Variants in SOX5 observed in about 807,000 individuals in gnomAD.
SOX5 encodes the protein SRY-box transcription factor 5, also known as transcription factor SOX-5.
A neutral mutation model predicts 92.0 loss-of-function variants in SOX5; 9 were observed. That is an observed-to-expected ratio of 0.10 (90% confidence interval 0.06 to 0.17). The LOEUF is 0.17. SOX5 is among the 10% of genes least tolerant of loss of function. The pLI is 1.00. For synonymous variants in SOX5, 344 were observed against 336.3 expected, an observed-to-expected ratio of 1.02 and a Z score of -0.25; for missense variants, 642 against 944.5, an observed-to-expected ratio of 0.68 and a Z score of 4.20.
intron 11 of SOX5, among the ~76,000 whole-genome samples, chr12:23,556,010 G>GTGA (rs1264107947): frequency 3.9e-5 from 6 of 152,134 alleles, no homozygotes; most frequent in Non-Finnish European, 2.9e-5. Context: ...GACATACAGA[G>GTGA]TGATGGATGG....
chr12:24,461,256 T>C (rs1487303735), intron 1 of SOX5, among the ~76,000 whole-genome samples: 1 of 13,964 alleles, frequency 7.2e-5, no homozygotes, highest in Non-Finnish European at 2.3e-4. Flanking sequence ...TGTTCCAAGC[T>C]GGTCATTTAA....
intron 4 of SOX5, among the ~76,000 whole-genome samples, chr12:24,190,146 C>T (rs1956383552): frequency 6.6e-6 from 1 of 152,018 alleles, no homozygotes; most frequent in Admixed American, 6.6e-5. Context: ...ACCAAAATAG[C>T]ACAGAAAACA....
At chr12:23,786,596 G>GCATTTAGGAT (rs1331993579) in intron 3 of SOX5, among the ~76,000 whole-genome samples, 109 of 109,698 alleles carry the variant, frequency 9.9e-4, no homozygotes, top group East Asian at 1.6e-3. Context: ...TTTTGTAGGA[G>GCATTTAGGAT]ATCAGTGTTC....
intron 6 of SOX5, among the ~76,000 whole-genome samples, chr12:23,722,256 C>G (rs961817637): frequency 1.3e-5 from 2 of 152,082 alleles, no homozygotes; most frequent in African/African-American, 4.8e-5. Context: ...AAGAAATATA[C>G]CCTTACCTGA....
At chr12:23,688,342 C>G (rs2088038370) in intron 6 of SOX5, among the ~76,000 whole-genome samples, 1 of 152,064 alleles carries the variant, frequency 6.6e-6, no homozygotes, top group Non-Finnish European at 1.5e-5. Flanking sequence ...GTAACATCTT[C>G]ACTTAATCAA....
chr12:23,897,894 T>A (rs1048571125), intron 1 of SOX5, among the ~76,000 whole-genome samples: 1 of 152,182 alleles, frequency 6.6e-6, no homozygotes, highest in Non-Finnish European at 1.5e-5. Flanking sequence ...GGATACCACA[T>A]TTCAAGTAAT....
intron 4 of SOX5, among the ~76,000 whole-genome samples, chr12:24,194,736 C>T (rs941264520): frequency 6.6e-6 from 1 of 151,976 alleles, no homozygotes; most frequent in African/African-American, 2.4e-5. Flanking sequence ...CATTAGACAT[C>T]TATTGAAGCT....
At chr12:23,661,634 T>C (rs1057223994) in intron 7 of SOX5, among the ~76,000 whole-genome samples, 3 of 152,228 alleles carry the variant, frequency 2.0e-5, no homozygotes, top group Non-Finnish European at 2.9e-5. Context: ...AAGGCATTTA[T>C]ATTTTATTTC....
intron 1 of SOX5, among the ~76,000 whole-genome samples, chr12:23,927,582 A>G (rs1308974831): frequency 6.6e-6 from 1 of 151,916 alleles, no homozygotes; most frequent in Non-Finnish European, 1.5e-5. Context: ...AGTTATTTCA[A>G]TTTTCCTGTT....
intron 8 of SOX5, among the ~76,000 whole-genome samples, chr12:23,632,608 T>C (rs188475868): frequency 7.2e-5 from 11 of 152,268 alleles, no homozygotes; most frequent in African/African-American, 9.6e-5. Flanking sequence ...GTCATAATTA[T>C]TGACCTTCTT....
At chr12:24,517,671 A>G (rs1031148989) in intron 1 of SOX5, among the ~76,000 whole-genome samples, 1 of 151,232 alleles carries the variant, frequency 6.6e-6, no homozygotes, top group African/African-American at 2.4e-5. Flanking sequence ...ACTGAAACAT[A>G]ATTCTGTCAA....
At chr12:23,962,638 T>C (rs1445107308) in intron 4 of SOX5, among the ~76,000 whole-genome samples, 1 of 152,238 alleles carries the variant, frequency 6.6e-6, no homozygotes, top group Non-Finnish European at 1.5e-5. Flanking sequence ...CAAATACAAC[T>C]GCCATTCCAT....
intron 1 of SOX5, among the ~76,000 whole-genome samples, chr12:24,451,419 T>C (rs1017622760): frequency 1.3e-5 from 2 of 152,072 alleles, no homozygotes; most frequent in African/African-American, 4.8e-5. Flanking sequence ...CCACAAAGAG[T>C]GTATAAGGGT....
At chr12:24,325,375 A>G (rs1950581091) in intron 2 of SOX5, among the ~76,000 whole-genome samples, 1 of 152,162 alleles carries the variant, frequency 6.6e-6, no homozygotes, top group Non-Finnish European at 1.5e-5. Flanking sequence ...AAACAAATCA[A>G]TGTTTATCAT....
chr12:23,667,678 G>A (rs901034548), intron 6 of SOX5, among the ~76,000 whole-genome samples: 1 of 152,128 alleles, frequency 6.6e-6, no homozygotes, highest in Non-Finnish European at 1.5e-5. Flanking sequence ...GTGAGGGGAA[G>A]TAGGAGATAA....
chr12:23,937,347 C>T (rs1471962263), intron 1 of SOX5, among the ~76,000 whole-genome samples: 1 of 150,884 alleles, frequency 6.6e-6, no homozygotes, highest in Non-Finnish European at 1.5e-5. Flanking sequence ...GGATTTCTCC[C>T]TCACCTTTAG....
At chr12:23,534,794 C>T (rs560234824) in intron 14 of SOX5, among the ~76,000 whole-genome samples, 1 of 151,154 alleles carries the variant, frequency 6.6e-6, no homozygotes, top group African/African-American at 2.4e-5. Flanking sequence ...ACTGCAACCT[C>T]CCCCTCCAGG....
intron 9 of SOX5, among the ~76,000 whole-genome samples, chr12:23,600,522 CATAT>C (rs371480644): frequency 0.042 from 1,683 of 39,814 alleles, 185 homozygotes; most frequent in East Asian, 0.33. Flanking sequence ...GGGGGGGGTG[CATAT>C]ATATATATAT....
At chr12:24,456,279 G>A (rs1284323905) in intron 1 of SOX5, among the ~76,000 whole-genome samples, 1 of 152,162 alleles carries the variant, frequency 6.6e-6, no homozygotes, top group East Asian at 1.9e-4. Flanking sequence ...GGACTTACAG[G>A]TGGGTGTTCC....
Sources: allele counts gnomAD v4.1 joint callset (sites outside exome capture counted in the v4.1 genomes callset), GRCh38; gene constraint gnomAD v4.1.1; transcripts MANE v1.5; gene names NCBI Gene and HGNC (gene_info 2026-07-23, HGNC 2026-07-21).